Variants in SGPL1 observed in about 807,000 individuals in gnomAD.
SGPL1 encodes the protein sphingosine-1-phosphate lyase 1.
In SGPL1, 37 loss-of-function variants were observed where a neutral mutation model predicts 68.9. That is an observed-to-expected ratio of 0.54 (90% CI 0.41 to 0.71). SGPL1 has a LOEUF of 0.71. SGPL1 is among the 30% of genes least tolerant of loss of function. SGPL1 has a pLI of 0.00. For synonymous variants in SGPL1, 236 were observed against 248.5 expected, an observed-to-expected ratio of 0.95 and a Z score of 0.47; for missense variants, 551 against 704.6, an observed-to-expected ratio of 0.78 and a Z score of 2.47.
intron 7 of SGPL1, among the ~76,000 whole-genome samples, chr10:70,860,649 G>C (rs73282291): frequency 3.0e-3 from 451 of 152,256 alleles, no homozygotes; most frequent in African/African-American, 0.01. Flanking sequence ...TGAAGAACTT[G>C]TAAGAGGCCA....
intron 7 of SGPL1, among the ~76,000 whole-genome samples, chr10:70,860,980 A>G (rs999685621): frequency 1.2e-4 from 18 of 151,324 alleles, no homozygotes; most frequent in Non-Finnish European, 8.8e-5. Flanking sequence ...ATTGGCTCCT[A>G]GGTCCATTTA....
intron 5 of SGPL1, among the ~76,000 whole-genome samples, chr10:70,856,324 G>T (rs1197000529): frequency 2.0e-5 from 3 of 152,132 alleles, no homozygotes; most frequent in Non-Finnish European, 4.4e-5. Flanking sequence ...ATTTCTAAGT[G>T]ACATGTGTTG....
At chr10:70,836,164 G>A (rs952311830) in intron 2 of SGPL1, among the ~76,000 whole-genome samples, 1 of 152,172 alleles carries the variant, frequency 6.6e-6, no homozygotes, top group African/African-American at 2.4e-5. Flanking sequence ...CCTGTCAGCA[G>A]GAATGTTTTT....
At chr10:70,871,794 C>T in intron 10 of SGPL1, 43 bp from the exon 11 acceptor site, 1 of 1,596,420 alleles carries the variant, frequency 6.3e-7, no homozygotes, top group Non-Finnish European at 8.6e-7. Context: ...TATTATAGGG[C>T]TATAAAGGAA....
At chr10:70,868,875 T>C (rs531796419) in intron 8 of SGPL1, among the ~76,000 whole-genome samples, 45 of 152,296 alleles carry the variant, frequency 3.0e-4, no homozygotes, top group African/African-American at 1.1e-3. Flanking sequence ...GTGAGGGCTG[T>C]TTTCTGGGAG....
chr10:70,844,408 AACT>A, intron 2 of SGPL1, 62 bp from the exon 3 acceptor site: 2 of 1,458,002 alleles, frequency 1.4e-6, no homozygotes, highest in Non-Finnish European at 1.9e-6. Flanking sequence ...TTGAAGTACA[AACT>A]AAGAACAGAC....
At chr10:70,819,231 C>T (rs1193876553) in intron 2 of SGPL1, among the ~76,000 whole-genome samples, 1 of 152,230 alleles carries the variant, frequency 6.6e-6, no homozygotes, top group Non-Finnish European at 1.5e-5. Flanking sequence ...CACCTCCTCA[C>T]CTGTTAATTT....
In SGPL1 at chr10:70,851,197, T is replaced by G; in HGVS notation, c.248T>G (p.Ile83Ser). The change falls in exon 4 of 15, where the codon ATT (isoleucine) becomes AGT (serine). Residue 83 changes from isoleucine (I) to serine (S), a missense_variant. Transcript: ENST00000373202. ...KCFKLTRKMP[I>S]IGRKIQDKLN... Reference sequence around the variant, plus strand: ...TTTAAGCTCACCAGGAAGATGCCCATTATTGGTCGTAAGGTAAGTAGAATC... The same window carrying G: ...TTTAAGCTCACCAGGAAGATGCCCAGTATTGGTCGTAAGGTAAGTAGAATC... The G allele has an allele frequency of 6.2e-7, 1 of 1,613,300 alleles. No homozygotes were observed. The highest frequency in any genetic ancestry group is 1.3e-5 in the African/African-American group (1 of 75,026).
intron 3 of SGPL1, among the ~76,000 whole-genome samples, chr10:70,846,127 GCTCA>G (rs1845788166): frequency 6.6e-6 from 1 of 152,086 alleles, no homozygotes; most frequent in African/African-American, 2.4e-5. Flanking sequence ...TAAATCTGTA[GCTCA>G]CTCCAGCTTT....
intron 2 of SGPL1, among the ~76,000 whole-genome samples, chr10:70,817,155 G>A (rs1845247855): frequency 1.3e-5 from 2 of 152,284 alleles, no homozygotes; most frequent in Admixed American, 1.3e-4. Flanking sequence ...GAGTAGCTGG[G>A]ATTACAGGCG....
chr10:70,860,337 A>AT, intron 7 of SGPL1: 2 of 461,272 alleles, frequency 4.3e-6, no homozygotes, highest in South Asian at 3.2e-5. Context: ...TGCAGATTTA[A>AT]TTATTGAAGG....
At chr10:70,833,766 G>A (rs768937826) in intron 2 of SGPL1, among the ~76,000 whole-genome samples, 8 of 152,250 alleles carry the variant, frequency 5.3e-5, no homozygotes, top group Non-Finnish European at 8.8e-5. Flanking sequence ...AGTAACATTT[G>A]AACTGGGTAG....
chr10:70,848,882 A>ACTGGAATTTTCTAT (rs1289684848), intron 3 of SGPL1, among the ~76,000 whole-genome samples: 1 of 152,202 alleles, frequency 6.6e-6, no homozygotes, highest in Non-Finnish European at 1.5e-5. Flanking sequence ...CTTCCGTCTA[A>ACTGGAATTTTCTAT]CTGGAATTTT....
At chr10:70,835,660 C>T (rs572495201) in intron 2 of SGPL1, among the ~76,000 whole-genome samples, 9 of 147,802 alleles carry the variant, frequency 6.1e-5, no homozygotes, top group East Asian at 4.0e-4. Context: ...GGCTTGAACC[C>T]GGGAGGTGGA....
chr10:70,868,513 C>T, intron 8 of SGPL1, 80 bp downstream of exon 8: 1 of 1,114,530 alleles, frequency 9.0e-7, no homozygotes, highest in Non-Finnish European at 1.4e-6. Flanking sequence ...GCAGATAATC[C>T]ATTTTCCTGC....
chr10:70,824,787 A>T (rs903056905), intron 2 of SGPL1, among the ~76,000 whole-genome samples: 8 of 152,178 alleles, frequency 5.3e-5, no homozygotes, highest in Admixed American at 1.3e-4. Flanking sequence ...AACATTATGC[A>T]GACATTTTCT....
At position 70,868,407 on chromosome 10, in the gene SGPL1, T is replaced by A. The variant is rs770582566; in HGVS notation, c.678T>A (p.Phe226Leu). ...MACKAYRDLAFEKGIKTPEIV... is the reference protein window; with the variant it reads ...MACKAYRDLALEKGIKTPEIV... ...GCAAAGCATATCGGGATCTGGCCTT[T>A]GAGAAGGGGATCAAAACTCCAGAAA... Residue 226 changes from phenylalanine (F) to leucine (L), a missense_variant, in exon 8 of 15, where the codon TTT (phenylalanine) becomes TTA (leucine). Coordinates refer to ENST00000373202, the MANE Select transcript of SGPL1 (RefSeq NM_003901.4). 1 of 1,613,798 alleles carries A rather than the reference T, an allele frequency of 6.2e-7. No individual in the cohort carries two copies. The highest frequency in any genetic ancestry group is 1.3e-5 in the African/African-American group (1 of 74,910).
intron 2 of SGPL1, among the ~76,000 whole-genome samples, chr10:70,837,927 C>T (rs750441835): frequency 7.9e-5 from 12 of 152,118 alleles, no homozygotes; most frequent in Non-Finnish European, 1.2e-4. Context: ...AGCACGCGAG[C>T]TAGAGGGGAT....
At position 70,815,961 on chromosome 10, in the gene SGPL1, G is replaced by C. The variant is rs980939530; in HGVS notation, c.-209G>C. On this transcript the variant is annotated 5_prime_UTR_variant, in exon 1 of 15. Coordinates refer to ENST00000373202, the MANE Select transcript of SGPL1 (RefSeq NM_003901.4). ...GCCCCCGGAGCCATTTCCGGGAGGG[G>C]CGAGGCCGGCGGCTGCCGGGCCTCC... 3 of 151,558 alleles carry C rather than the reference G, an allele frequency of 2.0e-5. No individual in the cohort carries two copies. The highest frequency in any genetic ancestry group is 4.4e-5 in the Non-Finnish European group (3 of 67,898). 9.4% of individuals were successfully genotyped at this position (151,558 alleles called of 1,614,324 possible). A position where few individuals can be genotyped will look rare whatever the true frequency, so the allele number is the denominator to read the frequency against.
Sources: gnomAD v4.1 joint callset for allele counts (sites outside exome capture counted in the v4.1 genomes callset) on GRCh38, gnomAD v4.1.1 for gene constraint, MANE v1.5 for transcripts, NCBI Gene and HGNC (gene_info 2026-07-23, HGNC 2026-07-21) for gene names.